Variants in TRIP12 observed in about 807,000 individuals in gnomAD.
TRIP12 encodes E3 ubiquitin-protein ligase TRIP12.
A neutral mutation model predicts 244.2 loss-of-function variants in TRIP12; 25 were observed. The observed-to-expected ratio is 0.10, with a 90% CI of 0.07 to 0.14. The LOEUF (loss-of-function observed/expected upper bound fraction) is 0.14. Ranked by LOEUF, TRIP12 falls within the 10% of genes least tolerant of loss-of-function variation. The pLI is 1.00. For missense variants in TRIP12, 1,677 were observed against 2,486.4 expected (o/e 0.67, Z 6.92); for synonymous variants, 905 against 873.1 (o/e 1.04, Z -0.64).
At chr2:229,812,726 A>C (rs1214694245) in intron 13 of TRIP12, among the ~76,000 whole-genome samples, 1 of 152,162 alleles carries the variant, frequency 6.6e-6, no homozygotes, top group Non-Finnish European at 1.5e-5. Context: ...GAATCGCTTG[A>C]ACCAGGGAGG....
intron 2 of TRIP12, among the ~76,000 whole-genome samples, chr2:229,868,176 C>T (rs2061903549): frequency 6.6e-6 from 1 of 152,140 alleles, no homozygotes; most frequent in African/African-American, 2.4e-5. Flanking sequence ...TACAAATTAC[C>T]CAGCCGATTC....
At chr2:229,917,477 C>T (rs1202586135) in intron 1 of TRIP12, among the ~76,000 whole-genome samples, 2 of 149,374 alleles carry the variant, frequency 1.3e-5, no homozygotes, top group African/African-American at 4.9e-5. Context: ...TCTGTAACAT[C>T]CACCAGATTT....
chr2:229,905,201 G>A (rs1443364575), intron 1 of TRIP12, among the ~76,000 whole-genome samples: 2 of 151,738 alleles, frequency 1.3e-5, no homozygotes, highest in Non-Finnish European at 2.9e-5. Context: ...CTGAACCTGG[G>A]AGGCAGACGT....
intron 18 of TRIP12, among the ~76,000 whole-genome samples, chr2:229,804,818 G>A (rs951398082): frequency 6.6e-6 from 1 of 152,128 alleles, no homozygotes; most frequent in Non-Finnish European, 1.5e-5. Context: ...GGCTAATTGA[G>A]GGCTACAATG....
At chr2:229,804,253 T>G (rs747581568) in intron 18 of TRIP12, 26 bp from the exon 19 acceptor site, 4 of 1,555,862 alleles carry the variant, frequency 2.6e-6, no homozygotes, top group Non-Finnish European at 3.5e-6. Context: ...AAAATATATG[T>G]GCAATCCTGA....
chr2:229,785,915 C>T (rs1021431514), intron 33 of TRIP12, 60 bp from the exon 34 acceptor site: 1 of 1,443,044 alleles, frequency 6.9e-7, no homozygotes, highest in Non-Finnish European at 9.4e-7. Context: ...CTTTAATAAA[C>T]AGGTGGCATT....
At position 229,788,851 on chromosome 2, in the gene TRIP12, T is replaced by C; in HGVS notation, c.4785A>G (p.Leu1595=). The C allele has an allele frequency of 6.2e-7, 1 of 1,614,118 alleles. No individual in the cohort carries two copies. The highest frequency in any genetic ancestry group is 8.5e-7 in the Non-Finnish European group (1 of 1,179,998). Residue 1595 remains leucine, a synonymous_variant, in exon 32 of 42, where the codon TTA becomes TTG. Coordinates refer to ENST00000675903, the MANE Select transcript of TRIP12 (RefSeq NM_001348323.3). ...AKANRQLQDP[L]VIMTGNIPTW... ...TTGGGATGTTTCCTGTCATGATTAC[T>C]AAAGGATCTTGAAGTTGCCTATTTG... is the stretch of plus-strand genomic sequence containing the variant.
At chr2:229,797,958 G>T in intron 23 of TRIP12, 127 bp from the exon 24 acceptor site, 1 of 950,708 alleles carries the variant, frequency 1.1e-6, no homozygotes, top group Non-Finnish European at 1.5e-6. Context: ...AAAAACTCCA[G>T]ATTCCATAAC....
In TRIP12 at chr2:229,789,491, T is replaced by C. The variant is rs1236433037; in HGVS notation, c.4695+120A>G. 5 of 1,220,022 alleles carry C rather than the reference T, an allele frequency of 4.1e-6. No individual in the cohort carries two copies. The Admixed American group carries it at 7.4e-5, about 18-fold the overall frequency. 75.6% of individuals were successfully genotyped at this position (1,220,022 alleles called of 1,614,324 possible). On this transcript the variant is annotated intron_variant, in intron 31 of 41. Coordinates refer to ENST00000675903, the MANE Select transcript of TRIP12 (RefSeq NM_001348323.3). ...GGAGAAGTTTCCACTGATGAGTACA[T>C]TGTACTTTACTGGGCTAGGAGCCCT...
intron 4 of TRIP12, among the ~76,000 whole-genome samples, chr2:229,842,935 G>C (rs1273572999): frequency 6.6e-6 from 1 of 152,060 alleles, no homozygotes; most frequent in East Asian, 1.9e-4. Flanking sequence ...GTGGTTCAGA[G>C]TTTGACAAAT....
intron 8 of TRIP12, among the ~76,000 whole-genome samples, chr2:229,823,018 G>C (rs968402130): frequency 6.6e-6 from 1 of 152,082 alleles, no homozygotes; most frequent in African/African-American, 2.4e-5. Flanking sequence ...ACTAGGCAAA[G>C]AGAAAAAATT....
intron 1 of TRIP12, among the ~76,000 whole-genome samples, chr2:229,893,378 C>T (rs1397957708): frequency 1.3e-5 from 2 of 152,160 alleles, no homozygotes; most frequent in Non-Finnish European, 2.9e-5. Context: ...ACACACACAC[C>T]TATGTAACCC....
chr2:229,805,909 G>T (rs1390176078), intron 17 of TRIP12, 26 bp from the exon 18 acceptor site: 5 of 1,495,372 alleles, frequency 3.3e-6, no homozygotes, highest in Non-Finnish European at 4.5e-6. Flanking sequence ...GAGAAACTTT[G>T]AATATAAACA....
intron 1 of TRIP12, among the ~76,000 whole-genome samples, chr2:229,896,526 C>T (rs1339055115): frequency 1.3e-5 from 2 of 151,798 alleles, no homozygotes; most frequent in East Asian, 1.9e-4. Flanking sequence ...GCAGGAGAAT[C>T]GCTTGAACCT....
chr2:229,897,192 T>G lies in TRIP12; in HGVS notation c.-49-17064A>C, dbSNP rs76764603. Among the ~76,000 whole-genome samples the G allele has an allele frequency of 5.2e-3, 795 of 152,292 alleles. 5 individuals are homozygous for G. Among genetic ancestry groups the G allele is most frequent in the Non-Finnish European group, 9.8e-3 (666 of 68,030 alleles). On this transcript the variant is annotated intron_variant, in intron 1 of 41. Transcript: ENST00000675903. ...ACCAGAGATAAAAAGAGTACCTCCATAGTGAAAAAGGGTTTAATCCAGTGA... is the reference window on the plus strand; with the variant it reads ...ACCAGAGATAAAAAGAGTACCTCCAGAGTGAAAAAGGGTTTAATCCAGTGA...
At position 229,768,715 on chromosome 2, in the gene TRIP12, C is replaced by A; in HGVS notation, c.5908G>T (p.Ala1970Ser). The A allele has an allele frequency of 6.2e-7, 1 of 1,604,354 alleles. No homozygotes were observed. Among genetic ancestry groups the A allele is most frequent in the Non-Finnish European group, 8.5e-7 (1 of 1,177,644 alleles). Residue 1970 changes from alanine (A) to serine (S), a missense_variant, in exon 41 of 42, where the codon GCT becomes TCT. Ala to Ser is a moderately conservative substitution (Grantham distance 99). Around this residue, in one of 11 missense-constraint regions of TRIP12, gnomAD observed 171 missense variants for 388.4 expected, o/e 0.44. Transcript: ENST00000675903. ...AGAATCTCAAACAAAAACTTCACAG[C>A]CCGACTATAACAGAAATAAATATAC... Reference protein sequence around the residue: ...PDHGYTHDSRAVKFLFEILSS... With the variant: ...PDHGYTHDSRSVKFLFEILSS...
intron 2 of TRIP12, among the ~76,000 whole-genome samples, chr2:229,870,111 CTG>C (rs1240776581): frequency 6.6e-6 from 1 of 152,186 alleles, no homozygotes; most frequent in East Asian, 1.9e-4. Flanking sequence ...CAGAGTAAAA[CTG>C]TATTAGAACA....
chr2:229,891,325 T>C (rs899646096), intron 1 of TRIP12, among the ~76,000 whole-genome samples: 1 of 151,882 alleles, frequency 6.6e-6, no homozygotes, highest in Non-Finnish European at 1.5e-5. Flanking sequence ...CTCAGCAAGC[T>C]GAGGTGGGAG....
chr2:229,866,745 C>T (rs926396027), intron 2 of TRIP12, among the ~76,000 whole-genome samples: 1 of 152,130 alleles, frequency 6.6e-6, no homozygotes, highest in Non-Finnish European at 1.5e-5. Flanking sequence ...TCTCATAAAA[C>T]AAAGTAATCT....
Sources: gnomAD v4.1 joint callset for allele counts (sites outside exome capture counted in the v4.1 genomes callset) on GRCh38, gnomAD v4.1.1 for gene constraint, gnomAD v4.1.1 regional missense constraint, MANE v1.5 for transcripts, NCBI Gene and HGNC (gene_info 2026-07-23, HGNC 2026-07-21) for gene names.